NEXMIF: variants seen among roughly 807,000 people sequenced by gnomAD.
The protein encoded by NEXMIF is neurite extension and migration factor.
A neutral mutation model predicts 62.1 loss-of-function variants in NEXMIF; 8 were observed. The observed-to-expected ratio is 0.13, with a 90% confidence interval of 0.08 to 0.23. NEXMIF has a LOEUF of 0.23. NEXMIF is among the 10% of genes least tolerant of loss of function. The pLI is 1.00. For synonymous variants in NEXMIF, 404 were observed against 416.6 expected, an observed-to-expected ratio of 0.97 and a Z score of 0.37; for missense variants, 976 against 1,113.3, an observed-to-expected ratio of 0.88 and a Z score of 1.75.
Position 74,899,093 on chromosome X carries a change from A to G in NEXMIF, c.-48+25790T>C, listed in dbSNP as rs1368976863. Among the ~76,000 whole-genome samples, 6 of 111,457 alleles carry G rather than the reference A, an allele frequency of 5.4e-5. No individual in the cohort carries two copies. The Admixed American group carries it at 5.7e-4, about 11-fold the overall frequency. ...TAATGCAATCCCTATCAAAAACCCA[A>G]TGATGACAAGCCCACAGCTAACATC... is the stretch of plus-strand genomic sequence containing the variant. On this transcript the variant is annotated intron_variant, in intron 1 of 3. Transcript: ENST00000055682.
intron 1 of NEXMIF, among the ~76,000 whole-genome samples, chrX:74,897,535 T>C (rs2080736480): frequency 9.0e-6 from 1 of 111,367 alleles, no homozygotes. Flanking sequence ...ATAATTGTTG[T>C]GGAGGGTAAG....
intron 1 of NEXMIF, among the ~76,000 whole-genome samples, chrX:74,914,915 T>C (rs2080801565): frequency 8.9e-6 from 1 of 111,894 alleles, no homozygotes; most frequent in African/African-American, 3.2e-5. Context: ...GGCATTACGC[T>C]GAGTGAAAAA....
At chrX:74,829,249 G>C (rs2080428248) in intron 1 of NEXMIF, among the ~76,000 whole-genome samples, 1 of 112,009 alleles carries the variant, frequency 8.9e-6, no homozygotes. Context: ...TTATGTCCAT[G>C]AGTTTAATCG....
At chrX:74,833,641 T>C (rs912718186) in intron 1 of NEXMIF, among the ~76,000 whole-genome samples, 19 of 111,673 alleles carry the variant, frequency 1.7e-4, no homozygotes. Flanking sequence ...AGTTGTTTTG[T>C]GGTCTTCTCT....
intron 1 of NEXMIF, among the ~76,000 whole-genome samples, chrX:74,749,447 A>C (rs1244817248): frequency 9.1e-6 from 1 of 110,064 alleles, no homozygotes; most frequent in Non-Finnish European, 1.9e-5. Flanking sequence ...ATCAATCCTC[A>C]CCTTCTCCAG....
intron 1 of NEXMIF, among the ~76,000 whole-genome samples, chrX:74,774,024 T>C (rs749222681): frequency 9.0e-6 from 1 of 110,653 alleles, no homozygotes; most frequent in Admixed American, 9.7e-5. Flanking sequence ...GGTACTTCTG[T>C]TGGCTCAAAC....
chrX:74,855,413 A>T (rs1374904025), intron 1 of NEXMIF, among the ~76,000 whole-genome samples: 3 of 112,300 alleles, frequency 2.7e-5, no homozygotes. Context: ...TGCTGAAAAC[A>T]ATCAGTGGCA....
At chrX:74,740,076 T>G in intron 3 of NEXMIF, 24 bp downstream of exon 3, 2 of 1,188,619 alleles carry the variant, frequency 1.7e-6, no homozygotes, top group Non-Finnish European at 2.3e-6. Flanking sequence ...GTGCATCATC[T>G]CAGCCATACT....
chrX:74,756,988 T>C (rs753207442), intron 1 of NEXMIF, among the ~76,000 whole-genome samples: 1 of 111,897 alleles, frequency 8.9e-6, no homozygotes, highest in Non-Finnish European at 1.9e-5. Context: ...CACCTACTGA[T>C]GGGCGAAACA....
chrX:74,849,202 T>A (rs1204958281), intron 1 of NEXMIF, among the ~76,000 whole-genome samples: 3 of 112,024 alleles, frequency 2.7e-5, no homozygotes, highest in African/African-American at 9.7e-5. Context: ...AGTATTAGAA[T>A]CACACTTTGA....
chrX:74,876,181 G>A (rs1436903143), intron 1 of NEXMIF, among the ~76,000 whole-genome samples: 1 of 110,795 alleles, frequency 9.0e-6, no homozygotes, highest in Non-Finnish European at 1.9e-5. Flanking sequence ...AGAGATTCTG[G>A]TATGTTGTGT....
chrX:74,911,754 A>G (rs1425667356), intron 1 of NEXMIF, among the ~76,000 whole-genome samples: 1 of 112,596 alleles, frequency 8.9e-6, no homozygotes, highest in Non-Finnish European at 1.9e-5. Context: ...TCTTTCACCT[A>G]TTCAGCCAAG....
At chrX:74,907,537 G>A (rs2080773417) in intron 1 of NEXMIF, among the ~76,000 whole-genome samples, 1 of 110,426 alleles carries the variant, frequency 9.1e-6, no homozygotes, top group Non-Finnish European at 1.9e-5. Context: ...TGTGGGAAAC[G>A]ACCTTAGAGA....
chrX:74,822,300 C>A (rs774370391), intron 1 of NEXMIF, among the ~76,000 whole-genome samples: 65 of 111,622 alleles, frequency 5.8e-4, no homozygotes, highest in African/African-American at 2.1e-3. Flanking sequence ...TTGGATATGA[C>A]AACAAAAGCA....
At chrX:74,888,027 A>T (rs1602267801) in intron 1 of NEXMIF, among the ~76,000 whole-genome samples, 2 of 109,809 alleles carry the variant, frequency 1.8e-5, no homozygotes, top group Admixed American at 2.0e-4. Flanking sequence ...TTCTCAGCAA[A>T]CTATCACAAG....
At chrX:74,796,233 T>TATA (rs2080310044) in intron 1 of NEXMIF, among the ~76,000 whole-genome samples, 2 of 55,513 alleles carry the variant, frequency 3.6e-5, no homozygotes, top group African/African-American at 6.1e-5. Context: ...ATATATAATA[T>TATA]ATATATATAT....
At chrX:74,868,983 A>C (rs1317315343) in intron 1 of NEXMIF, among the ~76,000 whole-genome samples, 2 of 110,966 alleles carry the variant, frequency 1.8e-5, no homozygotes, top group Non-Finnish European at 3.8e-5. Context: ...TCATTGTACA[A>C]GGCCAGTATT....
intron 1 of NEXMIF, among the ~76,000 whole-genome samples, chrX:74,834,057 C>A (rs1400443296): frequency 9.4e-6 from 1 of 106,189 alleles, no homozygotes; most frequent in African/African-American, 3.4e-5. Flanking sequence ...TTGCTTGAAC[C>A]CAGGAGGCGG....
At chrX:74,877,596 G>A (rs1280542160) in intron 1 of NEXMIF, among the ~76,000 whole-genome samples, 13 of 111,341 alleles carry the variant, frequency 1.2e-4, no homozygotes, top group African/African-American at 4.2e-4. Context: ...TTTCCAACTT[G>A]GTTCCATTCT....
Sources: allele counts gnomAD v4.1 joint callset (sites outside exome capture counted in the v4.1 genomes callset), GRCh38; gene constraint gnomAD v4.1.1; transcripts MANE v1.5; gene names NCBI Gene and HGNC (gene_info 2026-07-23, HGNC 2026-07-21).